TFB2M: variants seen among roughly 807,000 people sequenced by gnomAD.
TFB2M encodes transcription factor B2, mitochondrial, also known as dimethyladenosine transferase 2, mitochondrial.
TFB2M carries 44 observed loss-of-function variants against 41.3 expected under a neutral mutation model. The observed-to-expected ratio is 1.07, with a 90% confidence interval of 0.84 to 1.37. The LOEUF is 1.37. TFB2M is among the 40% of genes most tolerant of loss of function. TFB2M has a pLI of 0.00. For missense variants in TFB2M, 496 were observed against 490.2 expected (o/e 1.01, Z -0.11); for synonymous variants, 188 against 176.8 (o/e 1.06, Z -0.50).
intron 5 of TFB2M, among the ~76,000 whole-genome samples, chr1:246,549,258 G>A (rs1349509316): frequency 6.6e-6 from 1 of 151,824 alleles, no homozygotes; most frequent in Non-Finnish European, 1.5e-5. Flanking sequence ...TCTATCTTTT[G>A]TAAGAGAATT....
intron 2 of TFB2M, among the ~76,000 whole-genome samples, chr1:246,562,562 G>A (rs537038848): frequency 1.3e-5 from 2 of 152,288 alleles, no homozygotes; most frequent in East Asian, 3.9e-4. Flanking sequence ...CAGTGAAAAT[G>A]CAGGTATACA....
chr1:246,551,782 A>G (rs1659191877), intron 4 of TFB2M, among the ~76,000 whole-genome samples: 1 of 152,350 alleles, frequency 6.6e-6, no homozygotes, highest in Middle Eastern at 3.4e-3. Flanking sequence ...AAGAAACCAC[A>G]TGTGAAAAGG....
At position 246,545,811 on chromosome 1, in the gene TFB2M, C is replaced by CG. The variant is rs1356447942; in HGVS notation, c.859-1131dup. 6.0e-4 allele frequency among the ~76,000 whole-genome samples: 31 copies of CG among 51,444 alleles called. No homozygotes were observed. The East Asian group carries it at 8.3e-3, about 14-fold the overall frequency. The allele number at this position is 51,444 out of a possible 152,430, so 33.7% of individuals were successfully genotyped here. A position where few individuals can be genotyped will look rare whatever the true frequency, so the allele number is the denominator to read the frequency against. ...CGGGTGACAGAGCAAGACCCTGATT[C>CG]GAAAAAAAAAAAAAAAAAAAAAAGA... is the stretch of plus-strand genomic sequence containing the variant. On this transcript the variant is annotated intron_variant, in intron 6 of 7. Transcript: ENST00000366514.
Position 246,564,269 on chromosome 1 carries a change from T to G in TFB2M, c.402+77A>C, listed in dbSNP as rs1431986513. ...AAGATATTCTATGTAAAACACTGTG[T>G]GCTTAATTCCATTTCCTTAAACCAC... On this transcript the variant is annotated intron_variant, in intron 2 of 7. Transcript: ENST00000366514. 3 of 1,242,822 alleles carry G rather than the reference T, an allele frequency of 2.4e-6. No homozygotes were observed. In the Admixed American group the frequency reaches 5.5e-5, roughly 23 times the overall value. 77.0% of individuals were successfully genotyped at this position (1,242,822 alleles called of 1,614,324 possible).
intron 3 of TFB2M, among the ~76,000 whole-genome samples, chr1:246,557,161 G>A (rs1659346015): frequency 6.6e-6 from 1 of 152,064 alleles, no homozygotes; most frequent in South Asian, 2.1e-4. Context: ...TGTAATCCCA[G>A]CTACTAGGGA....
intron 1 of TFB2M, among the ~76,000 whole-genome samples, chr1:246,565,234 G>A (rs1659587246): frequency 1.3e-5 from 2 of 152,258 alleles, no homozygotes; most frequent in African/African-American, 2.4e-5. Flanking sequence ...GGAAGAATAA[G>A]ATAACATCAT....
intron 4 of TFB2M, 60 bp from the exon 5 acceptor site, chr1:246,551,362 T>C (rs1345020483): frequency 6.8e-6 from 8 of 1,169,224 alleles, no homozygotes; most frequent in Non-Finnish European, 9.0e-6. Flanking sequence ...TAAAAACAAA[T>C]GCTGACTCTT....
In TFB2M at chr1:246,557,454, T is replaced by C. The variant is rs765805753; in HGVS notation, c.483A>G (p.Val161=). Residue 161 remains valine (V), a synonymous_variant, in exon 3 of 8, where the codon GTA becomes GTG. Transcript: ENST00000366514. The part of the protein sequence containing the change: ...FFKLDPRSGG[V]IKPPAMSSRG... Reference sequence around the variant, plus strand: ...GAGAAGACATAGCAGGTGGTTTTATTACTCCACCACTTCTAGGATCTAGTT... The same window carrying C: ...GAGAAGACATAGCAGGTGGTTTTATCACTCCACCACTTCTAGGATCTAGTT... 8 of 1,613,614 alleles carry C rather than the reference T, an allele frequency of 5.0e-6. No homozygotes were observed. The South Asian group carries it at 5.5e-5, about 11-fold the overall frequency.
chr1:246,540,956 G>A lies in TFB2M; in HGVS notation c.*75C>T. 2.8e-6 allele frequency: 4 copies of A among 1,439,486 alleles called. No homozygotes were observed. The highest frequency in any genetic ancestry group is 3.8e-6 in the Non-Finnish European group (4 of 1,057,212). The allele number at this position is 1,439,486 out of a possible 1,614,324, so 89.2% of individuals were successfully genotyped here. ...CAGTTACCTTCTGCTGAAAGGATGT[G>A]AGTTTTCAAATTTGGTTTTCATGTC... On this transcript the variant is annotated 3_prime_UTR_variant, in exon 8 of 8. Transcript: ENST00000366514.
At chr1:246,548,990 C>T (rs3129575) in intron 5 of TFB2M, among the ~76,000 whole-genome samples, 148,212 of 152,362 alleles carry the variant, frequency 0.97, 72,137 homozygotes, top group East Asian at 1. Flanking sequence ...GAAAAGCCTA[C>T]TAATCAAACT....
chr1:246,554,559 T>C (rs1659269528), intron 4 of TFB2M, among the ~76,000 whole-genome samples: 1 of 152,084 alleles, frequency 6.6e-6, no homozygotes, highest in African/African-American at 2.4e-5. Context: ...TGTCACTATC[T>C]CCTGTCACCC....
In TFB2M at chr1:246,565,886, C is replaced by A. The variant is rs1659649295; in HGVS notation, c.253G>T (p.Ala85Ser). 1.2e-6 allele frequency: 2 copies of A among 1,611,378 alleles called. No individual in the cohort carries two copies. Among genetic ancestry groups the A allele is most frequent in the Admixed American group, 1.7e-5 (1 of 59,972 alleles). ...CTTGGTTTTCCCAAATAGATTTGCG[C>A]CAGGGTCTCAGCCAATCTCCGATCG... The part of the protein sequence containing the change: ...VTDRRLAETL[A>S]QIYLGKPSRP... The change falls in exon 1 of 8, where the codon GCG becomes TCG. Residue 85 changes from alanine to serine, a missense_variant. Transcript: ENST00000366514.
At chr1:246,560,711 C>T (rs1278465299) in intron 2 of TFB2M, among the ~76,000 whole-genome samples, 1 of 152,048 alleles carries the variant, frequency 6.6e-6, no homozygotes. Context: ...TTTAAAAATT[C>T]AACTGGATTG....
At chr1:246,551,180 A>G in intron 5 of TFB2M, 33 bp downstream of exon 5, 1 of 1,569,852 alleles carries the variant, frequency 6.4e-7, no homozygotes, top group Non-Finnish European at 8.8e-7. Flanking sequence ...GTCGCTAAAG[A>G]AAAACGTTTT....
intron 4 of TFB2M, 76 bp from the exon 5 acceptor site, chr1:246,551,378 G>A (rs1659177628): frequency 5.8e-6 from 6 of 1,030,850 alleles, no homozygotes; most frequent in East Asian, 4.8e-5. Context: ...CTCTTAATAG[G>A]ACTATCTTAA....
rs755398945 is a variant in TFB2M, at chr1:246,565,998, G to A, written c.141C>T (p.Ser47=). The change falls in exon 1 of 8, where the codon TCC becomes TCT. Residue 47 remains serine, a synonymous_variant. Coordinates refer to ENST00000366514, the MANE Select transcript of TFB2M (RefSeq NM_022366.3). ...CCGGTTCGGGCCACAGCTGCGGAGA[G>A]GAGTCAGAGAGCCCACAGTGGTTCC... The part of the protein sequence containing the change: ...PARNHCGLSD[S]SPQLWPEPDF... The A allele has an allele frequency of 6.2e-7, 1 of 1,614,236 alleles. No individual in the cohort carries two copies. Among genetic ancestry groups the A allele is most frequent in the East Asian group, 2.2e-5 (1 of 44,882 alleles).
chr1:246,565,861 CT>C lies in TFB2M; in HGVS notation c.277del (p.Ser93ValfsTer17). 6.2e-7 allele frequency: 1 copy of C among 1,608,652 alleles called. No individual in the cohort carries two copies. The highest frequency in any genetic ancestry group is 8.5e-7 in the Non-Finnish European group (1 of 1,175,250). The part of the protein sequence containing the change: ...TLAQIYLGKP[S>X]RPPHLLLECN... ...CTCCAGCAGTAGGTGTGGAGGTCTA[CT>C]TGGTTTTCCCAAATAGATTTGCGCC... On this transcript the variant is annotated frameshift_variant, in exon 1 of 8. Coordinates refer to ENST00000366514, the MANE Select transcript of TFB2M (RefSeq NM_022366.3). LOFTEE classifies it high-confidence loss of function.
At chr1:246,546,320 G>GAAA (rs200132271) in intron 6 of TFB2M, among the ~76,000 whole-genome samples, 4 of 146,938 alleles carry the variant, frequency 2.7e-5, no homozygotes, top group Non-Finnish European at 6.0e-5. Flanking sequence ...TTTAAAAAAA[G>GAAA]AAAAAAAAAT....
intron 2 of TFB2M, among the ~76,000 whole-genome samples, chr1:246,562,135 GT>G (rs1393429441): frequency 1.3e-5 from 2 of 152,038 alleles, no homozygotes; most frequent in Non-Finnish European, 2.9e-5. Context: ...CATACTCATA[GT>G]TTTAAAAGAA....
Sources: gnomAD v4.1 joint callset for allele counts (sites outside exome capture counted in the v4.1 genomes callset) on GRCh38, gnomAD v4.1.1 for gene constraint, MANE v1.5 for transcripts, NCBI Gene and HGNC (gene_info 2026-07-23, HGNC 2026-07-21) for gene names.